The following KCNAB1 variants were observed in gnomAD, a reference collection of about 807,000 sequenced individuals.
KCNAB1 encodes potassium voltage-gated channel subfamily A regulatory beta subunit 1.
A neutral mutation model predicts 64.6 loss-of-function variants in KCNAB1; 35 were observed. The observed-to-expected ratio is 0.54, with a 90% CI of 0.41 to 0.72. The LOEUF is 0.72. Among genes scored for constraint, KCNAB1 ranks in the 30% least tolerant of loss-of-function variants. KCNAB1 has a pLI of 0.00. For synonymous variants in KCNAB1, 177 were observed against 183.8 expected (o/e 0.96, Z 0.30); for missense variants, 401 against 512.9 (o/e 0.78, Z 2.11).
At chr3:156,327,887 C>T (rs1398813251) in intron 1 of KCNAB1, among the ~76,000 whole-genome samples, 7 of 152,094 alleles carry the variant, frequency 4.6e-5, no homozygotes, top group South Asian at 2.1e-4. Context: ...CCATAGCTTT[C>T]GTGTCTCCCT....
intron 1 of KCNAB1, among the ~76,000 whole-genome samples, chr3:156,263,499 C>T (rs1315869585): frequency 1.3e-5 from 2 of 151,946 alleles, no homozygotes; most frequent in Non-Finnish European, 2.9e-5. Flanking sequence ...ATTTTTATAG[C>T]ATGAACCCTT....
rs1717151950 is a variant in KCNAB1 at position 156,510,729 on chromosome 3, A to G, written c.659-3635A>G. 2.6e-5 allele frequency among the ~76,000 whole-genome samples: 4 copies of G among 152,170 alleles called. No individual in the cohort carries two copies. The South Asian group carries it at 8.3e-4, about 31-fold the overall frequency. On this transcript the variant is annotated intron_variant, in intron 8 of 13. Coordinates refer to ENST00000490337, the MANE Select transcript of KCNAB1 (RefSeq NM_172160.3). ...TGCAGTGGTCTCCCTACATATGGCCAAATCCAGTGGACACTGTTTGGGGCT... is the reference window on the plus strand; with the variant it reads ...TGCAGTGGTCTCCCTACATATGGCCGAATCCAGTGGACACTGTTTGGGGCT...
At chr3:156,259,201 C>CA (rs935088505) in intron 1 of KCNAB1, among the ~76,000 whole-genome samples, 1 of 152,192 alleles carries the variant, frequency 6.6e-6, no homozygotes, top group Non-Finnish European at 1.5e-5. Flanking sequence ...GGTAAGAAGA[C>CA]AGTGGCCCAG....
At chr3:156,510,802 C>T (rs1031606958) in intron 8 of KCNAB1, among the ~76,000 whole-genome samples, 5 of 152,192 alleles carry the variant, frequency 3.3e-5, no homozygotes, top group African/African-American at 1.2e-4. Context: ...GCATGGCTCC[C>T]TCTTGAAGTG....
intron 1 of KCNAB1, among the ~76,000 whole-genome samples, chr3:156,193,440 G>C (rs1002942440): frequency 6.6e-6 from 1 of 152,088 alleles, no homozygotes; most frequent in African/African-American, 2.4e-5. Flanking sequence ...CAAATGTAAG[G>C]GTTCTGAGCA....
At chr3:156,536,522 G>C in intron 13 of KCNAB1, 136 bp from the exon 14 acceptor site, 1 of 672,398 alleles carries the variant, frequency 1.5e-6, no homozygotes, top group South Asian at 1.7e-5. Flanking sequence ...GATGGTGTTG[G>C]GGGCGGGGGG....
At chr3:156,462,613 GT>G (rs1713007156) in intron 5 of KCNAB1, among the ~76,000 whole-genome samples, 2 of 152,090 alleles carry the variant, frequency 1.3e-5, no homozygotes, top group Admixed American at 1.3e-4. Context: ...AATTTTTCTT[GT>G]TGCAACCAAG....
intron 1 of KCNAB1, among the ~76,000 whole-genome samples, chr3:156,347,359 G>T (rs1277410005): frequency 6.6e-6 from 1 of 152,218 alleles, no homozygotes; most frequent in African/African-American, 2.4e-5. Context: ...CAGGTGAGTT[G>T]AGGGCTTTAT....
At chr3:156,128,054 T>C (rs1181882956) in intron 1 of KCNAB1, among the ~76,000 whole-genome samples, 1 of 152,220 alleles carries the variant, frequency 6.6e-6, no homozygotes, top group Non-Finnish European at 1.5e-5. Flanking sequence ...GCATCAGCTC[T>C]GGCTCCTCTT....
intron 1 of KCNAB1, among the ~76,000 whole-genome samples, chr3:156,160,005 G>A (rs929497255): frequency 1.3e-5 from 2 of 152,152 alleles, no homozygotes; most frequent in African/African-American, 4.8e-5. Context: ...ATATAATACT[G>A]CTTTTAAAAA....
chr3:156,535,807 TC>T (rs1719016614), intron 13 of KCNAB1, among the ~76,000 whole-genome samples: 1 of 151,948 alleles, frequency 6.6e-6, no homozygotes, highest in Non-Finnish European at 1.5e-5. Context: ...AATATCTGTG[TC>T]CCCTTTCCAC....
At chr3:156,514,994 G>GGTT in intron 9 of KCNAB1, 106 bp from the exon 10 acceptor site, 3 of 1,149,712 alleles carry the variant, frequency 2.6e-6, no homozygotes, top group Non-Finnish European at 3.6e-6. Flanking sequence ...CATGTTTCTT[G>GGTT]GTTTGTACTG....
At chr3:156,143,901 CTTTA>C (rs145502397) in intron 1 of KCNAB1, among the ~76,000 whole-genome samples, 81,794 of 146,634 alleles carry the variant, frequency 0.56, 24,491 homozygotes, top group Admixed American at 0.71. Context: ...AATGACAGCA[CTTTA>C]TTTATTTATT....
intron 1 of KCNAB1, among the ~76,000 whole-genome samples, chr3:156,392,985 T>A (rs1289919782): frequency 6.6e-6 from 1 of 152,214 alleles, no homozygotes; most frequent in Non-Finnish European, 1.5e-5. Context: ...AAAGTGGAAG[T>A]TTTCCCTGTT....
At chr3:156,405,253 T>A (rs1206139581) in intron 1 of KCNAB1, among the ~76,000 whole-genome samples, 2 of 152,216 alleles carry the variant, frequency 1.3e-5, no homozygotes, top group Non-Finnish European at 2.9e-5. Flanking sequence ...AGGCTCAGCC[T>A]AGGCAAGATG....
intron 8 of KCNAB1, among the ~76,000 whole-genome samples, chr3:156,485,769 C>T (rs1715159904): frequency 6.6e-6 from 1 of 151,982 alleles, no homozygotes; most frequent in African/African-American, 2.4e-5. Flanking sequence ...TTGGAGTCCC[C>T]ATTGTCTAGT....
At chr3:156,347,667 A>G (rs1360535172) in intron 1 of KCNAB1, among the ~76,000 whole-genome samples, 1 of 152,156 alleles carries the variant, frequency 6.6e-6, no homozygotes, top group Admixed American at 6.5e-5. Flanking sequence ...TGTTTGATAG[A>G]CTCACATTTC....
chr3:156,174,678 G>T (rs13058807), intron 1 of KCNAB1, among the ~76,000 whole-genome samples: 16,559 of 152,176 alleles, frequency 0.11, 1,037 homozygotes, highest in Non-Finnish European at 0.13. Context: ...CAGTGTGCCC[G>T]AGGTCGAGAA....
chr3:156,216,609 G>T (rs1258060152), intron 1 of KCNAB1, among the ~76,000 whole-genome samples: 1 of 152,178 alleles, frequency 6.6e-6, no homozygotes, highest in African/African-American at 2.4e-5. Flanking sequence ...TACTAACCCT[G>T]TGCATGAATG....
Sources: allele counts gnomAD v4.1 joint callset (sites outside exome capture counted in the v4.1 genomes callset), GRCh38; gene constraint gnomAD v4.1.1; transcripts MANE v1.5; gene names NCBI Gene and HGNC (gene_info 2026-07-23, HGNC 2026-07-21).